The following PSD3 variants were observed in gnomAD, a reference collection of about 807,000 sequenced individuals.
PSD3 encodes the protein pleckstrin and Sec7 domain containing 3.
Under a neutral mutation model 105.5 loss-of-function variants are expected in PSD3, and 49 were observed. The ratio of observed to expected loss-of-function variants is 0.46; its 90% confidence interval spans 0.37 to 0.59. The LOEUF (loss-of-function observed/expected upper bound fraction) is 0.59. Ranked by LOEUF, PSD3 falls within the 20% of genes least tolerant of loss-of-function variation. The probability of loss-of-function intolerance (pLI) is 0.00; values close to 1 mark genes in which losing one functional copy is unlikely to be tolerated. For synonymous variants in PSD3, 557 were observed against 457.8 expected, an observed-to-expected ratio of 1.22 and a Z score of -2.77; for missense variants, 1,561 against 1,263.8, an observed-to-expected ratio of 1.24 and a Z score of -3.57.
rs557168600 is a variant in PSD3 at position 18,582,156 on chromosome 8, A to G, written c.2482-6871T>C. 3.9e-5 allele frequency among the ~76,000 whole-genome samples: 6 copies of G among 152,236 alleles called. 1 individual carries two copies. Among genetic ancestry groups the G allele is most frequent in the African/African-American group, 1.4e-4 (6 of 41,550 alleles). ...GGAAGGGGAATATGAGAAAAAGAGG[A>G]GTGGAGTGGATCAAACTGGAAACTT... On this transcript the variant is annotated intron_variant, in intron 12 of 15. Transcript: ENST00000327040.
At chr8:18,602,225 C>A (rs375708926) in intron 11 of PSD3, among the ~76,000 whole-genome samples, 1 of 152,126 alleles carries the variant, frequency 6.6e-6, no homozygotes, top group Admixed American at 6.6e-5. Context: ...TTTCTACTTT[C>A]GCAGTAGATC....
chr8:18,556,115 C>T, intron 15 of PSD3, 94 bp downstream of exon 15: 2 of 1,424,592 alleles, frequency 1.4e-6, no homozygotes, highest in African/African-American at 1.4e-5. Flanking sequence ...AGACACGCCT[C>T]TCTCAGTGAC....
intron 4 of PSD3, chr8:18,865,269 TATATATATATATATA>T (rs1816816116): frequency 2.0e-3 from 10 of 5,072 alleles, no homozygotes; most frequent in Admixed American, 2.4e-3. Context: ...TATATATATA[TATATATATATATATA>T]TATTTTTTTT....
chr8:19,048,328 T>C (rs1353827394), intron 1 of PSD3, among the ~76,000 whole-genome samples: 1 of 152,228 alleles, frequency 6.6e-6, no homozygotes, highest in Admixed American at 6.5e-5. Context: ...ATGTTTTTTA[T>C]GGGACCTTTT....
chr8:18,783,039 T>C (rs1234048682), intron 8 of PSD3, among the ~76,000 whole-genome samples: 1 of 152,234 alleles, frequency 6.6e-6, no homozygotes, highest in East Asian at 1.9e-4. Flanking sequence ...AAAGTGTTAC[T>C]CTTTTTTTCT....
intron 9 of PSD3, among the ~76,000 whole-genome samples, chr8:18,732,165 C>T (rs912616347): frequency 6.6e-6 from 1 of 151,796 alleles, no homozygotes; most frequent in African/African-American, 2.4e-5. Flanking sequence ...AAAAAACAAC[C>T]CTCCTCCCCC....
chr8:18,920,811 C>T (rs1012756949), intron 2 of PSD3, among the ~76,000 whole-genome samples: 1 of 152,064 alleles, frequency 6.6e-6, no homozygotes, highest in Non-Finnish European at 1.5e-5. Context: ...AGCCACCTAG[C>T]CCTCCATCCC....
At chr8:18,809,032 G>A (rs756482586) in intron 4 of PSD3, 1 of 947,730 alleles carries the variant, frequency 1.1e-6, no homozygotes, top group African/African-American at 1.7e-5. Context: ...GAGAACGTAA[G>A]AAACAGTGAG....
rs139725527 is a variant in PSD3, at chr8:18,885,933, C to T, written c.131-13200G>A. The stretch of plus-strand genomic sequence containing the variant: ...AGCCTCAACTAGCGTGTTTCCAGAA[C>T]ATTTTTGGTGCTACCTTTGAGCTAA... On this transcript the variant is annotated intron_variant, in intron 2 of 15. Coordinates refer to ENST00000327040, the MANE Select transcript of PSD3 (RefSeq NM_015310.4). Among the ~76,000 whole-genome samples, 9 of 152,286 alleles carry T rather than the reference C, an allele frequency of 5.9e-5. No homozygotes were observed. The East Asian group carries it at 1.7e-3, about 29-fold the overall frequency.
At chr8:18,573,544 G>T (rs1424650047) in intron 13 of PSD3, among the ~76,000 whole-genome samples, 2 of 145,836 alleles carry the variant, frequency 1.4e-5, no homozygotes, top group African/African-American at 5.1e-5. Context: ...GTCAAAAAAG[G>T]GAAACAATCC....
chr8:19,060,298 G>A (rs2129477512), intron 1 of PSD3, among the ~76,000 whole-genome samples: 1 of 152,352 alleles, frequency 6.6e-6, no homozygotes, highest in East Asian at 1.9e-4. Flanking sequence ...TATTTGTGAA[G>A]AGATTTTGCT....
chr8:18,619,678 T>C (rs902428922), intron 11 of PSD3, among the ~76,000 whole-genome samples: 2 of 150,852 alleles, frequency 1.3e-5, no homozygotes, highest in Admixed American at 6.6e-5. Context: ...CGTGTGGCCA[T>C]GTGAGGCAAA....
intron 2 of PSD3, among the ~76,000 whole-genome samples, chr8:18,908,350 T>C (rs1489478349): frequency 1.3e-5 from 2 of 152,294 alleles, no homozygotes; most frequent in Admixed American, 1.3e-4. Context: ...CTTAATTTAC[T>C]TCTCCATCTT....
chr8:18,659,922 A>G (rs902797112), intron 9 of PSD3, among the ~76,000 whole-genome samples: 6 of 152,142 alleles, frequency 3.9e-5, no homozygotes, highest in African/African-American at 1.4e-4. Context: ...AAACATTGCT[A>G]TGGACTGGTA....
intron 9 of PSD3, among the ~76,000 whole-genome samples, chr8:18,752,081 G>A (rs1011945327): frequency 6.6e-6 from 1 of 151,168 alleles, no homozygotes; most frequent in African/African-American, 2.4e-5. Context: ...CCAGCTACTC[G>A]GGAGGCTGTG....
intron 10 of PSD3, among the ~76,000 whole-genome samples, chr8:18,641,026 A>G (rs1807604138): frequency 1.3e-5 from 2 of 152,286 alleles, no homozygotes; most frequent in East Asian, 1.9e-4. Flanking sequence ...ATTCTCCAGT[A>G]TAACTTTCTG....
intron 1 of PSD3, among the ~76,000 whole-genome samples, chr8:18,992,745 T>G (rs1825870536): frequency 6.6e-6 from 1 of 152,076 alleles, no homozygotes; most frequent in Non-Finnish European, 1.5e-5. Context: ...AAACCATAAT[T>G]TTTTTTAAGT....
At chr8:18,949,963 C>A (rs985368402) in intron 1 of PSD3, among the ~76,000 whole-genome samples, 1 of 152,082 alleles carries the variant, frequency 6.6e-6, no homozygotes, top group South Asian at 2.1e-4. Context: ...CCAGTAAAGT[C>A]ATTCTTCAAA....
chr8:18,590,400 G>A (rs994362937), intron 12 of PSD3, among the ~76,000 whole-genome samples: 2 of 151,964 alleles, frequency 1.3e-5, no homozygotes, highest in South Asian at 2.1e-4. Context: ...AAGAGTGGAA[G>A]GACATGTGTT....
Sources: gnomAD v4.1 joint callset for allele counts (sites outside exome capture counted in the v4.1 genomes callset) on GRCh38, gnomAD v4.1.1 for gene constraint, MANE v1.5 for transcripts, NCBI Gene and HGNC (gene_info 2026-07-23, HGNC 2026-07-21) for gene names.